CCDC137: variants seen among roughly 807,000 people sequenced by gnomAD.
CCDC137 encodes the protein coiled-coil domain-containing protein 137.
A neutral mutation model predicts 30.4 loss-of-function variants in CCDC137; 24 were observed. The ratio of observed to expected loss-of-function variants is 0.79; its 90% CI spans 0.57 to 1.11. The LOEUF (loss-of-function observed/expected upper bound fraction) is 1.11, where lower values mean the gene tolerates loss of function less well. CCDC137 is among the 50% of genes least tolerant of loss of function. The probability of loss-of-function intolerance (pLI) is 0.00; values close to 1 mark genes in which losing one functional copy is unlikely to be tolerated. For missense variants in CCDC137, 417 were observed against 380.4 expected (o/e 1.10, Z -0.80); for synonymous variants, 182 against 155.7 (o/e 1.17, Z -1.26).
chr17:81,666,801 G>T lies in CCDC137; in HGVS notation c.35G>T (p.Arg12Met). ...GCTGGTCGCGGAGCAGCGGTGTCCA[G>T]GGTGCAGGCGGGTCCTGGGAGTCCC... Reference protein sequence around the residue: ...AGAGRGAAVSRVQAGPGSPRR... With the variant: ...AGAGRGAAVSMVQAGPGSPRR... Residue 12 changes from arginine to methionine, a missense_variant, in exon 1 of 6, where the codon AGG becomes ATG. By Grantham distance (91) the Arg-to-Met change is moderately conservative. Coordinates refer to ENST00000329214, the MANE Select transcript of CCDC137 (RefSeq NM_199287.3). 7.0e-7 allele frequency: 1 copy of T among 1,432,976 alleles called. No individual in the cohort carries two copies. The highest frequency in any genetic ancestry group is 9.1e-7 in the Non-Finnish European group (1 of 1,094,080). The allele number at this position is 1,432,976 out of a possible 1,614,324, so 88.8% of individuals were successfully genotyped here. A position where few individuals can be genotyped will look rare whatever the true frequency, so the allele number is the denominator to read the frequency against.
At position 81,670,411 on chromosome 17, in the gene CCDC137, C is replaced by T. The variant is rs1258067341; in HGVS notation, c.455C>T (p.Ala152Val). 1 of 1,613,798 alleles carries T rather than the reference C, an allele frequency of 6.2e-7. No homozygotes were observed. Among genetic ancestry groups the T allele is most frequent in the Non-Finnish European group, 8.5e-7 (1 of 1,180,016 alleles). Residue 152 changes from alanine (A) to valine (V), a missense_variant, in exon 3 of 6, where the codon GCA becomes GTA. Coordinates refer to ENST00000329214, the MANE Select transcript of CCDC137 (RefSeq NM_199287.3). ...GCCATCCGGCAGCCAGAGGTGCAGG[C>T]AGCTCCCAAGGAGAAGTCTGAGCAG... ...NQAIRQPEVQAAPKEKSEQKK... is the reference protein window; with the variant it reads ...NQAIRQPEVQVAPKEKSEQKK...
chr17:81,666,926 C>G, intron 1 of CCDC137, 26 bp downstream of exon 1: 1 of 1,249,572 alleles, frequency 8.0e-7, no homozygotes. Flanking sequence ...CGCGAGGCCG[C>G]CACACTTCCC....
rs771494602 is a variant in CCDC137 at position 81,666,762 on chromosome 17, T to G, written c.-5T>G. On this transcript the variant is annotated 5_prime_UTR_variant, in exon 1 of 6. Coordinates refer to ENST00000329214, the MANE Select transcript of CCDC137 (RefSeq NM_199287.3). ...GGCTTCGCTAGGGAGCCTCCCGGCG[T>G]GGAGATGGCGGGAGCTGGTCGCGGA... The G allele has an allele frequency of 1.4e-6, 2 of 1,463,318 alleles. No individual in the cohort carries two copies. Among genetic ancestry groups the G allele is most frequent in the Non-Finnish European group, 9.0e-7 (1 of 1,111,874 alleles). The allele number at this position is 1,463,318 out of a possible 1,614,324, so 90.6% of individuals were successfully genotyped here. A position where few individuals can be genotyped will look rare whatever the true frequency, so the allele number is the denominator to read the frequency against.
chr17:81,672,232 C>G (rs1417563231), intron 5 of CCDC137, 77 bp downstream of exon 5: 1 of 1,435,496 alleles, frequency 7.0e-7, no homozygotes, highest in East Asian at 2.3e-5. Flanking sequence ...AGGCTGGACA[C>G]GGTGGGTCAC....
rs746215609 is a variant in CCDC137 at position 81,672,159 on chromosome 17, A to AG, written c.660+5dup. 106 of 1,613,876 alleles carry AG rather than the reference A, an allele frequency of 6.6e-5. 1 individual carries two copies. In the South Asian group the frequency reaches 1.1e-3, roughly 17 times the overall value. On this transcript the variant is annotated splice_donor_region_variant and intron_variant, in intron 5 of 5. Transcript: ENST00000329214. ...GAGGAGCGTAAGCAAGGACCAGGTA[A>AG]GTGGGGCACGGGGACAACTTGAGTT...
intron 1 of CCDC137, 39 bp from the exon 2 acceptor site, chr17:81,667,690 T>C: frequency 6.2e-7 from 1 of 1,608,036 alleles, no homozygotes; most frequent in Non-Finnish European, 8.5e-7. Context: ...GCTTGTGCTT[T>C]ACTTGGGACG....
In CCDC137 at chr17:81,672,521, G is replaced by T; in HGVS notation, c.687G>T (p.Arg229=). The change falls in exon 6 of 6, where the codon CGG becomes CGT. Residue 229 remains arginine, a synonymous_variant. Transcript: ENST00000329214. ...DQPGRRSQML[R]MLLSPGGVSQ... ...CTGGCAGGAGATCGCAGATGCTGCGGATGCTTCTGAGCCCCGGTGGTGTGT... is the reference window on the plus strand; with the variant it reads ...CTGGCAGGAGATCGCAGATGCTGCGTATGCTTCTGAGCCCCGGTGGTGTGT... 6.4e-7 allele frequency: 1 copy of T among 1,563,896 alleles called. No homozygotes were observed. The highest frequency in any genetic ancestry group is 8.7e-7 in the Non-Finnish European group (1 of 1,153,996).
At chr17:81,669,988 C>T in intron 2 of CCDC137, 1 of 538,426 alleles carries the variant, frequency 1.9e-6, no homozygotes, top group Non-Finnish European at 3.3e-6. Flanking sequence ...GTTGTTTCTG[C>T]TTTCCTTTTT....
intron 3 of CCDC137, 42 bp downstream of exon 3, chr17:81,670,495 G>T: frequency 6.5e-7 from 1 of 1,543,002 alleles, no homozygotes; most frequent in Non-Finnish European, 8.9e-7. Context: ...CCTGGGAGCC[G>T]GAGGGAAGAC....
chr17:81,672,585 G>T lies in CCDC137; in HGVS notation c.751G>T (p.Val251Leu), dbSNP rs760357623. ...LTASLARQRI[V>L]EEERERAVQA... is the part of the protein sequence containing the mutation. ...CGCCTCCCTGGCCCGCCAGCGGATTGTGGAGGAGGAGAGAGAGCGGGCCGT... is the reference window on the plus strand; with the variant it reads ...CGCCTCCCTGGCCCGCCAGCGGATTTTGGAGGAGGAGAGAGAGCGGGCCGT... Residue 251 changes from valine (V) to leucine (L), a missense_variant, in exon 6 of 6, where the codon GTG becomes TTG. Val to Leu is a conservative substitution (Grantham distance 32). Coordinates refer to ENST00000329214, the MANE Select transcript of CCDC137 (RefSeq NM_199287.3). 1 of 1,583,778 alleles carries T rather than the reference G, an allele frequency of 6.3e-7. No individual in the cohort carries two copies.
rs946608138 is a variant in CCDC137, at chr17:81,672,918, C to T, written c.*214C>T. 21 of 573,900 alleles carry T rather than the reference C, an allele frequency of 3.7e-5. 1 individual carries two copies. The highest frequency in any genetic ancestry group is 1.5e-4 in the East Asian group (5 of 34,428). 35.6% of individuals were successfully genotyped at this position (573,900 alleles called of 1,614,324 possible). On this transcript the variant is annotated 3_prime_UTR_variant, in exon 6 of 6. Transcript: ENST00000329214. Reference sequence around the variant, plus strand: ...TGGTTGACAGACGGCCCGTGGGGCCCGGTGTCACTCACAGCTCCATCTCTT... The same window carrying T: ...TGGTTGACAGACGGCCCGTGGGGCCTGGTGTCACTCACAGCTCCATCTCTT...
In CCDC137 at chr17:81,673,189, A is replaced by G. The variant is rs1137360; in HGVS notation, c.*485A>G. On this transcript the variant is annotated 3_prime_UTR_variant, in exon 6 of 6. Coordinates refer to ENST00000329214, the MANE Select transcript of CCDC137 (RefSeq NM_199287.3). ...ACAGGCCAGCTGTGAGTGGTCCCCT[A>G]CAGAGGCTGCCCACCCAAGGTTTGG... 38,361 of 159,878 alleles carry G rather than the reference A, an allele frequency of 0.24. 4,971 individuals carry two copies. The highest frequency in any genetic ancestry group is 0.35 in the African/African-American group (14,486 of 41,564). 9.9% of individuals were successfully genotyped at this position (159,878 alleles called of 1,614,324 possible).
chr17:81,669,516 C>T (rs1209256733), intron 2 of CCDC137, among the ~76,000 whole-genome samples: 3 of 152,196 alleles, frequency 2.0e-5, no homozygotes, highest in Non-Finnish European at 4.4e-5. Flanking sequence ...GTTCTACACT[C>T]GCCCGGGGTC....
chr17:81,667,709 C>G lies in CCDC137; in HGVS notation c.135-20C>G. On this transcript the variant is annotated intron_variant, in intron 1 of 5. Coordinates refer to ENST00000329214, the MANE Select transcript of CCDC137 (RefSeq NM_199287.3). ...GTGCTTTACTTGGGACGGGTCTCAC[C>G]CCCGTGTTCTTTCTCCCAGCAAAGA... 1 of 1,613,088 alleles carries G rather than the reference C, an allele frequency of 6.2e-7. No homozygotes were observed.
chr17:81,669,700 C>G (rs923047832), intron 2 of CCDC137, among the ~76,000 whole-genome samples: 1 of 152,208 alleles, frequency 6.6e-6, no homozygotes, highest in African/African-American at 2.4e-5. Flanking sequence ...GTTGGGACTA[C>G]AGGCGCCCAC....
At chr17:81,672,464 C>A (rs1441413189) in intron 5 of CCDC137, 31 bp from the exon 6 acceptor site, 6 of 1,540,642 alleles carry the variant, frequency 3.9e-6, no homozygotes, top group Non-Finnish European at 5.3e-6. Flanking sequence ...CCTTTCCCAG[C>A]CTGTGCCTCA....
intron 2 of CCDC137, among the ~76,000 whole-genome samples, chr17:81,668,109 A>G (rs551755164): frequency 1.3e-5 from 2 of 152,268 alleles, no homozygotes; most frequent in African/African-American, 4.8e-5. Context: ...GATCCATGCT[A>G]AGGAGCGGCG....
chr17:81,669,197 T>C (rs918923601), intron 2 of CCDC137, among the ~76,000 whole-genome samples: 52 of 150,450 alleles, frequency 3.5e-4, no homozygotes, highest in Non-Finnish European at 4.7e-4. Flanking sequence ...GCCTTTTTTT[T>C]TTTGGAGACA....
Position 81,667,862 on chromosome 17 carries a change from G to C in CCDC137, c.268G>C (p.Ala90Pro). 1 of 1,611,174 alleles carries C rather than the reference G, an allele frequency of 6.2e-7. No homozygotes were observed. The highest frequency in any genetic ancestry group is 8.5e-7 in the Non-Finnish European group (1 of 1,179,772). ...PISNKKRKKA[A>P]QVTFRKTLEK... is the part of the protein sequence containing the mutation. ...CAGTAACAAGAAGAGGAAGAAAGCA[G>C]GTGTGTGCAGGCCCATACTGGGCGG... The change falls in exon 2 of 6, where the codon GCC (alanine) becomes CCC (proline). Residue 90 changes from alanine (A) to proline (P), a missense_variant and splice_region_variant. Transcript: ENST00000329214.
Sources: allele counts gnomAD v4.1 joint callset (sites outside exome capture counted in the v4.1 genomes callset), GRCh38; gene constraint gnomAD v4.1.1; transcripts MANE v1.5; gene names NCBI Gene and HGNC (gene_info 2026-07-23, HGNC 2026-07-21).